The following PPIC variants were observed in gnomAD, a reference collection of about 807,000 sequenced individuals.
PPIC encodes peptidylprolyl isomerase C, also known as peptidyl-prolyl cis-trans isomerase C.
In PPIC, 19 loss-of-function variants were observed where a neutral mutation model predicts 19.5. The observed-to-expected ratio is 0.98, with a 90% CI of 0.68 to 1.43. The LOEUF (loss-of-function observed/expected upper bound fraction) is 1.43, where lower values mean the gene tolerates loss of function less well. Ranked by LOEUF, PPIC falls within the 40% of genes most tolerant of loss-of-function variation. The pLI, the probability that PPIC is intolerant of heterozygous loss-of-function variation, is 0.00. For missense variants in PPIC, 268 were observed against 268.6 expected (o/e 1.00, Z 0.02); for synonymous variants, 107 against 101.2 (o/e 1.06, Z -0.34).
At chr5:123,031,063 ATATTAT>A (rs952574536) in intron 1 of PPIC, among the ~76,000 whole-genome samples, 4 of 151,928 alleles carry the variant, frequency 2.6e-5, no homozygotes, top group African/African-American at 7.2e-5. Flanking sequence ...CCTAGCACAC[ATATTAT>A]TATAATTTTT....
At chr5:123,026,359 G>A (rs979603706) in intron 3 of PPIC, among the ~76,000 whole-genome samples, 3 of 152,120 alleles carry the variant, frequency 2.0e-5, no homozygotes, top group Non-Finnish European at 4.4e-5. Context: ...GTTTCCTGAG[G>A]CTCAAAGCTC....
chr5:123,025,834 T>G lies in PPIC; in HGVS notation c.460A>C (p.Thr154Pro), dbSNP rs763860453. The G allele has an allele frequency of 6.2e-7, 1 of 1,614,030 alleles. No individual in the cohort carries two copies. Residue 154 changes from threonine to proline, a missense_variant, in exon 4 of 5, where the codon ACC (threonine) becomes CCC (proline). Transcript: ENST00000306442. ...ACCACATGTTTGCCGTCCAACCAGG[T>G]GGGCTTGGTCAAGGTGATAAAGAAC... ...SQFFITLTKP[T>P]WLDGKHVVFG...
intron 3 of PPIC, among the ~76,000 whole-genome samples, chr5:123,027,138 G>A (rs529372881): frequency 1.3e-5 from 2 of 152,200 alleles, no homozygotes; most frequent in African/African-American, 4.8e-5. Flanking sequence ...AGGTTGTAGT[G>A]AGCCAAGATC....
Position 123,023,623 on chromosome 5 carries a change from T to A in PPIC, c.*252A>T. 3.0e-6 allele frequency: 1 copy of A among 337,708 alleles called. No homozygotes were observed. The highest frequency in any genetic ancestry group is 4.8e-6 in the Non-Finnish European group (1 of 207,712). 20.9% of individuals were successfully genotyped at this position (337,708 alleles called of 1,614,324 possible). On this transcript the variant is annotated 3_prime_UTR_variant, in exon 5 of 5. Coordinates refer to ENST00000306442, the MANE Select transcript of PPIC (RefSeq NM_000943.5). ...AAAATAGCCAATTCAAAGTTTTTTT[T>A]AGTTTTAAAATAGCACCACTTGAGG...
rs778342861 is a variant in PPIC at position 123,025,810 on chromosome 5, C to G, written c.484G>C (p.Val162Leu). ...ATCCCATCAATGACTTTTCCAAACA[C>G]CACATGTTTGCCGTCCAACCAGGTG... ...KPTWLDGKHV[V>L]FGKVIDGMTV... The change falls in exon 4 of 5, where the codon GTG becomes CTG. Residue 162 changes from valine to leucine, a missense_variant. By Grantham distance (32) the Val-to-Leu change is conservative (BLOSUM62 1). Coordinates refer to ENST00000306442, the MANE Select transcript of PPIC (RefSeq NM_000943.5). 99 of 1,613,566 alleles carry G rather than the reference C, an allele frequency of 6.1e-5. No homozygotes were observed. The South Asian group carries it at 1.0e-3, about 17-fold the overall frequency.
intron 3 of PPIC, among the ~76,000 whole-genome samples, chr5:123,026,447 C>A (rs1762855135): frequency 6.6e-6 from 1 of 152,150 alleles, no homozygotes; most frequent in South Asian, 2.1e-4. Flanking sequence ...CAATATATAC[C>A]CACACCGAAT....
intron 1 of PPIC, among the ~76,000 whole-genome samples, chr5:123,034,781 C>T (rs1468873692): frequency 6.6e-6 from 1 of 152,118 alleles, no homozygotes; most frequent in Non-Finnish European, 1.5e-5. Flanking sequence ...TTAGTTATAT[C>T]TCCAAAATCT....
intron 1 of PPIC, among the ~76,000 whole-genome samples, chr5:123,032,707 A>T (rs576426902): frequency 9.2e-5 from 14 of 152,332 alleles, no homozygotes; most frequent in African/African-American, 3.4e-4. Flanking sequence ...AGTCCAACAG[A>T]AAACACATAT....
chr5:123,031,149 T>G (rs1396001395), intron 1 of PPIC, among the ~76,000 whole-genome samples: 2 of 152,214 alleles, frequency 1.3e-5, no homozygotes, highest in Admixed American at 6.5e-5. Flanking sequence ...TTGCCAACTC[T>G]ACTGGAAAGG....
In PPIC at chr5:123,036,381, C is replaced by A; in HGVS notation, c.117+128G>T. ...GCCCCCTCCCACCCAGTCCCGCGGC[C>A]GCCTCCAGTCCCCCTGCGCCCGGGA... On this transcript the variant is annotated intron_variant, in intron 1 of 4. Transcript: ENST00000306442. This position sits in a 1 kb window ranked among gnomAD's most constrained non-coding sequence, Gnocchi z 4.5. 1.2e-6 allele frequency: 1 copy of A among 846,576 alleles called. No homozygotes were observed. The allele number at this position is 846,576 out of a possible 1,614,324, so 52.4% of individuals were successfully genotyped here. A position where few individuals can be genotyped will look rare whatever the true frequency, so the allele number is the denominator to read the frequency against.
At chr5:123,027,050 C>T (rs1182058628) in intron 3 of PPIC, among the ~76,000 whole-genome samples, 4 of 152,110 alleles carry the variant, frequency 2.6e-5, no homozygotes, top group Middle Eastern at 3.4e-3. Flanking sequence ...AAAAATCAGC[C>T]GGGCATGGTG....
chr5:123,034,992 T>A (rs1762987097), intron 1 of PPIC, among the ~76,000 whole-genome samples: 1 of 152,150 alleles, frequency 6.6e-6, no homozygotes. Context: ...GAATAACACT[T>A]CAAATTTTAA....
intron 2 of PPIC, 128 bp from the exon 3 acceptor site, chr5:123,028,996 G>T: frequency 1.1e-6 from 1 of 881,272 alleles, no homozygotes. Context: ...TTCTATCCCA[G>T]CTATGGTTTA....
At chr5:123,035,317 TATCCCAAGAG>T (rs1762991377) in intron 1 of PPIC, among the ~76,000 whole-genome samples, 1 of 152,222 alleles carries the variant, frequency 6.6e-6, no homozygotes, top group Non-Finnish European at 1.5e-5. Context: ...TTTATGGCTT[TATCCCAAGAG>T]ACCCCGTTCA....
At chr5:123,025,619 C>A (rs1762839543) in intron 4 of PPIC, among the ~76,000 whole-genome samples, 165 bp downstream of exon 4, 1 of 152,116 alleles carries the variant, frequency 6.6e-6, no homozygotes, top group Admixed American at 6.5e-5. Flanking sequence ...GCCAATGACC[C>A]TAAGAATTAA....
rs779262149 is a variant in PPIC at position 123,023,987 on chromosome 5, A to G, written c.527T>C (p.Ile176Thr). 9 of 1,613,320 alleles carry G rather than the reference A, an allele frequency of 5.6e-6. No individual in the cohort carries two copies. Among genetic ancestry groups the G allele is most frequent in the East Asian group, 2.2e-5 (1 of 44,860 alleles). Residue 176 changes from isoleucine to threonine, a missense_variant, in exon 5 of 5, where the codon ATA becomes ACA. Physicochemically the swap from Ile to Thr is moderately conservative, Grantham distance 89. Transcript: ENST00000306442. The stretch of plus-strand genomic sequence containing the variant: ...ATGCCCATCAGTTGCTTGGAGCTCT[A>G]TGGAGTGCACCACTGTCTGGTGAGA... ...VIDGMTVVHS[I>T]ELQATDGHDR...
chr5:123,030,880 T>C (rs1354404193), intron 1 of PPIC, among the ~76,000 whole-genome samples: 1 of 151,828 alleles, frequency 6.6e-6, no homozygotes, highest in Non-Finnish European at 1.5e-5. Context: ...TAAAGAAACA[T>C]CATACGAGAC....
At position 123,023,447 on chromosome 5, in the gene PPIC, G is replaced by A. The variant is rs1166670643; in HGVS notation, c.*428C>T. On this transcript the variant is annotated 3_prime_UTR_variant, in exon 5 of 5. Coordinates refer to ENST00000306442, the MANE Select transcript of PPIC (RefSeq NM_000943.5). ...CCTTTTGTCAGAAAGAAATCCCTAT[G>A]ACATATCTCAGATTACACTAGTCAA... 1.3e-5 allele frequency: 2 copies of A among 152,960 alleles called. No homozygotes were observed. The highest frequency in any genetic ancestry group is 4.8e-5 in the African/African-American group (2 of 41,418). 9.5% of individuals were successfully genotyped at this position (152,960 alleles called of 1,614,324 possible).
At chr5:123,034,539 G>A (rs1371149334) in intron 1 of PPIC, among the ~76,000 whole-genome samples, 1 of 152,132 alleles carries the variant, frequency 6.6e-6, no homozygotes, top group African/African-American at 2.4e-5. Flanking sequence ...AGGATACTGA[G>A]CCCCACCCAT....
Sources: allele counts gnomAD v4.1 joint callset (sites outside exome capture counted in the v4.1 genomes callset), GRCh38; gene constraint gnomAD v4.1.1; non-coding constraint Gnocchi (gnomAD v3.1); transcripts MANE v1.5; gene names NCBI Gene and HGNC (gene_info 2026-07-23, HGNC 2026-07-21).